Variants in DMD observed in about 807,000 individuals in gnomAD.
The protein encoded by DMD is dystrophin, also known as mutant dystrophin.
Under a neutral mutation model 330.1 loss-of-function variants are expected in DMD, and 63 were observed. That is an observed-to-expected ratio of 0.19 (90% CI 0.16 to 0.24). The LOEUF (loss-of-function observed/expected upper bound fraction) is 0.24, where lower values mean the gene tolerates loss of function less well. DMD is among the 10% of genes least tolerant of loss of function. DMD has a pLI of 1.00. For synonymous variants in DMD, 1,223 were observed against 959.8 expected (o/e 1.27, Z -5.07); for missense variants, 3,344 against 2,684.1 (o/e 1.25, Z -5.43).
At chrX:31,519,937 A>G (rs191605597) in intron 55 of DMD, among the ~76,000 whole-genome samples, 1 of 111,749 alleles carries the variant, frequency 8.9e-6, no homozygotes, top group Non-Finnish European at 1.9e-5. Context: ...GTGTGCCTAG[A>G]TAGTTCTTTC....
chrX:31,136,280 C>T (rs2035220936), intron 76 of DMD, among the ~76,000 whole-genome samples: 1 of 111,593 alleles, frequency 9.0e-6, no homozygotes, highest in African/African-American at 3.3e-5. Flanking sequence ...TCTCTCTCTT[C>T]CTCCCCCCTC....
At chrX:31,746,252 GGAAGT>G (rs1003091848) in intron 51 of DMD, among the ~76,000 whole-genome samples, 4 of 112,019 alleles carry the variant, frequency 3.6e-5, no homozygotes, top group African/African-American at 1.3e-4. Flanking sequence ...CCTGTAGATG[GGAAGT>G]GAAGTGAAGA....
chrX:31,522,353 C>CTATA (rs1476139332), intron 55 of DMD, among the ~76,000 whole-genome samples: 1 of 62,830 alleles, frequency 1.6e-5, no homozygotes, highest in Non-Finnish European at 2.7e-5. Context: ...CTCTCTCTCT[C>CTATA]TCTCTCTCTC....
intron 9 of DMD, among the ~76,000 whole-genome samples, chrX:32,652,021 C>T (rs1300544253): frequency 3.6e-5 from 4 of 111,297 alleles, no homozygotes; most frequent in Admixed American, 2.9e-4. Context: ...ATTGTGCCTC[C>T]GATGCTCCAG....
At chrX:31,453,026 G>T (rs2065873977) in intron 59 of DMD, among the ~76,000 whole-genome samples, 2 of 112,211 alleles carry the variant, frequency 1.8e-5, no homozygotes, top group South Asian at 7.4e-4. Flanking sequence ...ACTAAAAAAT[G>T]AGCAAGTAAC....
chrX:32,252,918 A>G lies in DMD; in HGVS notation c.6290+34611T>C, dbSNP rs2097281880. Among the ~76,000 whole-genome samples, 6 of 84,086 alleles carry G rather than the reference A, an allele frequency of 7.1e-5. No homozygotes were observed. In the South Asian group the frequency reaches 2.8e-3, roughly 39 times the overall value. The allele number at this position is 84,086 out of a possible 115,157, so 73.0% of individuals were successfully genotyped here. A position where few individuals can be genotyped will look rare whatever the true frequency, so the allele number is the denominator to read the frequency against. On this transcript the variant is annotated intron_variant, in intron 43 of 78. Transcript: ENST00000357033. ...TATATAAATATATACATAAATATAT[A>G]TAGATATATAAATATATATATACAT...
At chrX:33,024,722 A>G (rs17330270) in intron 1 of DMD, among the ~76,000 whole-genome samples, 2,340 of 111,878 alleles carry the variant, frequency 0.021, 27 homozygotes, top group Non-Finnish European at 0.03. Flanking sequence ...TTGATTCACA[A>G]GAGCAAGTTA....
intron 1 of DMD, among the ~76,000 whole-genome samples, chrX:33,068,381 A>C (rs1490087910): frequency 8.9e-6 from 1 of 112,294 alleles, no homozygotes; most frequent in Non-Finnish European, 1.9e-5. Flanking sequence ...AGGAGAAAGA[A>C]CACCTGTGCA....
At chrX:33,335,846 C>A (rs73623950) in intron 1 of DMD, among the ~76,000 whole-genome samples, 6,519 of 110,837 alleles carry the variant, frequency 0.059, 217 homozygotes, top group Middle Eastern at 0.12. Context: ...GTCATTTAGC[C>A]AGCTGATTTA....
intron 55 of DMD, among the ~76,000 whole-genome samples, chrX:31,539,750 T>C (rs892788844): frequency 2.7e-5 from 3 of 112,099 alleles, no homozygotes; most frequent in Non-Finnish European, 3.8e-5. Context: ...AGCAGAATAC[T>C]TGCAAGGACT....
intron 43 of DMD, among the ~76,000 whole-genome samples, chrX:32,277,276 A>G (rs1349606930): frequency 8.9e-6 from 1 of 111,952 alleles, no homozygotes; most frequent in East Asian, 2.8e-4. Flanking sequence ...GTATATATAT[A>G]TAAAGCAAAT....
intron 2 of DMD, among the ~76,000 whole-genome samples, chrX:32,929,097 T>C (rs775545986): frequency 1.1e-4 from 12 of 111,083 alleles, no homozygotes; most frequent in Non-Finnish European, 1.9e-4. Context: ...CAGTGGTGCT[T>C]AATAGAAAGG....
At chrX:32,125,108 C>T (rs571769126) in intron 44 of DMD, among the ~76,000 whole-genome samples, 3 of 110,442 alleles carry the variant, frequency 2.7e-5, no homozygotes, top group South Asian at 7.9e-4. Flanking sequence ...TAATGTGAAC[C>T]TTTTGAAGGA....
chrX:32,699,210 T>C lies in DMD; in HGVS notation c.733A>G (p.Ile245Val), dbSNP rs140510985. 66 of 1,207,696 alleles carry C rather than the reference T, an allele frequency of 5.5e-5. No individual in the cohort carries two copies. Among genetic ancestry groups the C allele is most frequent in the Non-Finnish European group, 6.8e-5 (61 of 893,153 alleles). Residue 245 changes from isoleucine (I) to valine (V), a missense_variant, in exon 8 of 79, where the codon ATT (isoleucine) becomes GTT (valine). By Grantham distance (29) the Ile-to-Val change is conservative (BLOSUM62 3). Coordinates refer to ENST00000357033, the MANE Select transcript of DMD (RefSeq NM_004006.3). The part of the protein sequence containing the change: ...LFQVLPQQVS[I>V]EAIQEVEMLP... The stretch of plus-strand genomic sequence containing the variant: ...ATTTCCACTTCCTGGATGGCTTCAA[T>C]GCTCACTTGTTGAGGCAAAACTTGG...
intron 7 of DMD, among the ~76,000 whole-genome samples, chrX:32,737,580 C>G (rs1460403026): frequency 9.0e-6 from 1 of 111,252 alleles, no homozygotes. Context: ...TTAGATAAAA[C>G]TGAATGATGC....
chrX:32,053,281 T>C (rs1795570), intron 44 of DMD, among the ~76,000 whole-genome samples: 4 of 111,268 alleles, frequency 3.6e-5, no homozygotes, highest in Non-Finnish European at 7.6e-5. Context: ...TTTCAGCTCA[T>C]TGCTTTGTGA....
At chrX:32,294,026 T>C (rs968159473) in intron 42 of DMD, among the ~76,000 whole-genome samples, 2 of 111,989 alleles carry the variant, frequency 1.8e-5, no homozygotes, top group Non-Finnish European at 3.8e-5. Context: ...CTAGCCTGAT[T>C]AGGTCAGGTA....
At chrX:31,763,178 G>T (rs1001376443) in intron 51 of DMD, among the ~76,000 whole-genome samples, 1 of 112,594 alleles carries the variant, frequency 8.9e-6, no homozygotes, top group Non-Finnish European at 1.9e-5. Context: ...CATTTGAAAA[G>T]AAAAGTTCAA....
chrX:31,194,534 C>G (rs906106435), intron 67 of DMD, among the ~76,000 whole-genome samples: 2 of 112,373 alleles, frequency 1.8e-5, no homozygotes, highest in Non-Finnish European at 3.8e-5. Context: ...TGTACACAGA[C>G]AGACACATAC....
Sources: allele counts gnomAD v4.1 joint callset (sites outside exome capture counted in the v4.1 genomes callset), GRCh38; gene constraint gnomAD v4.1.1; transcripts MANE v1.5; gene names NCBI Gene and HGNC (gene_info 2026-07-23, HGNC 2026-07-21).